Variants in CEP112 observed in about 807,000 individuals in gnomAD.
The protein encoded by CEP112 is centrosomal protein 112.
Under a neutral mutation model 153.0 loss-of-function variants are expected in CEP112, and 127 were observed. The observed-to-expected ratio is 0.83, with a 90% CI of 0.72 to 0.96. The LOEUF (loss-of-function observed/expected upper bound fraction) is 0.96, where lower values mean the gene tolerates loss of function less well. Among genes scored for constraint, CEP112 ranks in the 40% least tolerant of loss-of-function variants. CEP112 has a pLI of 0.00. For synonymous variants in CEP112, 358 were observed against 374.4 expected (o/e 0.96, Z 0.51); for missense variants, 1,089 against 1,101.2 (o/e 0.99, Z 0.16).
chr17:65,960,758 G>A (rs1447210478), intron 18 of CEP112, among the ~76,000 whole-genome samples: 1 of 152,122 alleles, frequency 6.6e-6, no homozygotes, highest in Non-Finnish European at 1.5e-5. Flanking sequence ...ATCTGTGGAG[G>A]CAGAACCCAC....
intron 18 of CEP112, among the ~76,000 whole-genome samples, chr17:65,957,845 AT>A (rs1379954302): frequency 6.6e-6 from 1 of 152,122 alleles, no homozygotes; most frequent in Non-Finnish European, 1.5e-5. Flanking sequence ...TTACAAAATT[AT>A]TTTTACCTAC....
chr17:65,937,485 G>A (rs1463459199), intron 18 of CEP112, among the ~76,000 whole-genome samples: 1 of 129,768 alleles, frequency 7.7e-6, no homozygotes, highest in African/African-American at 2.6e-5. Context: ...GAGAAGTGAG[G>A]AGACCCTCTG....
intron 6 of CEP112, among the ~76,000 whole-genome samples, chr17:66,116,088 T>A (rs961369906): frequency 2.6e-5 from 4 of 152,072 alleles, no homozygotes; most frequent in Non-Finnish European, 5.9e-5. Context: ...TTAGAAAAAA[T>A]TTGACCCAGC....
intron 6 of CEP112, among the ~76,000 whole-genome samples, chr17:66,112,360 A>C (rs187256001): frequency 2.2e-4 from 33 of 152,190 alleles, no homozygotes; most frequent in African/African-American, 6.7e-4. Context: ...TTGAGGAAAA[A>C]AACTTGGGGC....
intron 21 of CEP112, among the ~76,000 whole-genome samples, chr17:65,762,975 A>G (rs1354850923): frequency 6.6e-6 from 1 of 151,952 alleles, no homozygotes; most frequent in East Asian, 1.9e-4. Flanking sequence ...TCTTTTTAAC[A>G]TTTCTTGTGA....
At chr17:65,747,816 A>C (rs756220646) in intron 22 of CEP112, among the ~76,000 whole-genome samples, 13 of 152,184 alleles carry the variant, frequency 8.5e-5, no homozygotes, top group Non-Finnish European at 1.9e-4. Context: ...TAGGTCCTAC[A>C]GGCTTGATAA....
intron 18 of CEP112, among the ~76,000 whole-genome samples, chr17:65,951,725 C>A (rs1427512049): frequency 7.4e-6 from 1 of 136,036 alleles, no homozygotes; most frequent in Non-Finnish European, 1.6e-5. Flanking sequence ...TCTTAGCTTT[C>A]TGCTCTAATC....
intron 20 of CEP112, among the ~76,000 whole-genome samples, chr17:65,890,773 T>G (rs1199198948): frequency 2.6e-5 from 4 of 151,464 alleles, no homozygotes; most frequent in Non-Finnish European, 1.5e-5. Context: ...GAACATTCCT[T>G]AAAGGGCCTG....
At chr17:66,034,974 A>ATGTGTGTG (rs1568411223) in intron 12 of CEP112, among the ~76,000 whole-genome samples, 1 of 36,618 alleles carries the variant, frequency 2.7e-5, no homozygotes, top group Non-Finnish European at 5.3e-5. Flanking sequence ...AAGTTTTTGC[A>ATGTGTGTG]TGTATATATA....
At chr17:65,970,572 G>A (rs1016863081) in intron 17 of CEP112, among the ~76,000 whole-genome samples, 1 of 151,822 alleles carries the variant, frequency 6.6e-6, no homozygotes, top group Non-Finnish European at 1.5e-5. Context: ...CATCTTACAT[G>A]CAAATTGCGT....
At chr17:66,147,087 T>C (rs1401334848) in intron 4 of CEP112, among the ~76,000 whole-genome samples, 2 of 152,156 alleles carry the variant, frequency 1.3e-5, no homozygotes, top group Non-Finnish European at 2.9e-5. Context: ...AGGACTACCA[T>C]GTCATTTCCA....
intron 8 of CEP112, among the ~76,000 whole-genome samples, chr17:66,071,996 G>T (rs1440332650): frequency 6.6e-6 from 1 of 152,038 alleles, no homozygotes; most frequent in Admixed American, 6.6e-5. Flanking sequence ...ATAACTTTTT[G>T]CCTTGGCATA....
At chr17:66,110,323 T>C (rs1473533639) in intron 6 of CEP112, among the ~76,000 whole-genome samples, 1 of 145,724 alleles carries the variant, frequency 6.9e-6, no homozygotes, top group Non-Finnish European at 1.5e-5. Context: ...GAAATGAGAC[T>C]CTAGCTCAAA....
At chr17:65,838,391 C>T (rs1006576626) in intron 21 of CEP112, among the ~76,000 whole-genome samples, 1 of 151,758 alleles carries the variant, frequency 6.6e-6, no homozygotes, top group Non-Finnish European at 1.5e-5. Context: ...AACAGCAGAC[C>T]CCTCAATAAG....
At chr17:66,145,457 A>G (rs2070881395) in intron 4 of CEP112, among the ~76,000 whole-genome samples, 1 of 152,074 alleles carries the variant, frequency 6.6e-6, no homozygotes, top group Admixed American at 6.6e-5. Flanking sequence ...TGCCTGTTCC[A>G]ACGTCACAGA....
chr17:65,868,023 TTTATA>T (rs1334363762), intron 20 of CEP112, among the ~76,000 whole-genome samples: 1 of 151,570 alleles, frequency 6.6e-6, no homozygotes, highest in African/African-American at 2.4e-5. Flanking sequence ...TTATTATGAG[TTTATA>T]TTATATGTAT....
chr17:65,709,515 C>T (rs957088714), intron 23 of CEP112, among the ~76,000 whole-genome samples: 2 of 152,196 alleles, frequency 1.3e-5, no homozygotes, highest in African/African-American at 4.8e-5. Flanking sequence ...TATTCACTAC[C>T]ATGAGAACCG....
chr17:65,803,602 T>C (rs1754204786), intron 21 of CEP112, among the ~76,000 whole-genome samples: 1 of 152,204 alleles, frequency 6.6e-6, no homozygotes, highest in Admixed American at 6.5e-5. Context: ...TCTCAAAATA[T>C]AAATGACTGC....
At chr17:66,138,048 C>A (rs1441161371) in intron 4 of CEP112, among the ~76,000 whole-genome samples, 3 of 152,080 alleles carry the variant, frequency 2.0e-5, no homozygotes, top group African/African-American at 7.2e-5. Flanking sequence ...TTGCTCACCG[C>A]ACAGAAAGTC....
Sources: gnomAD v4.1 joint callset for allele counts (sites outside exome capture counted in the v4.1 genomes callset) on GRCh38, gnomAD v4.1.1 for gene constraint, MANE v1.5 for transcripts, NCBI Gene and HGNC (gene_info 2026-07-23, HGNC 2026-07-21) for gene names.